C12orf42: variants seen among roughly 807,000 people sequenced by gnomAD.
C12orf42 encodes chromosome 12 open reading frame 42.
A neutral mutation model predicts 21.6 loss-of-function variants in C12orf42; 25 were observed. The ratio of observed to expected loss-of-function variants is 1.16; its 90% CI spans 0.84 to 1.62. The LOEUF (loss-of-function observed/expected upper bound fraction) is 1.62. C12orf42 is among the 40% of genes most tolerant of loss of function. C12orf42 has a pLI of 0.00. For missense variants in C12orf42, 483 were observed against 459.3 expected, an observed-to-expected ratio of 1.05 and a Z score of -0.47; for synonymous variants, 174 against 175.0, an observed-to-expected ratio of 0.99 and a Z score of 0.05.
At chr12:103,062,192 CATT>C in the C12orf42 span, among the ~76,000 whole-genome samples, 2 of 150,988 alleles carry the variant, frequency 1.3e-5, no homozygotes. Context: ...TTTATAAAGT[CATT>C]ATTTATTTAT....
At chr12:103,474,947 CAA>C (rs1235628744) in intron 2 of C12orf42, among the ~76,000 whole-genome samples, 1 of 152,094 alleles carries the variant, frequency 6.6e-6, no homozygotes, top group Non-Finnish European at 1.5e-5. Context: ...ATAAATTTTC[CAA>C]AGTTAGGCTT....
chr12:103,285,690 G>A (rs2036402294), intron 4 of C12orf42, among the ~76,000 whole-genome samples: 1 of 152,230 alleles, frequency 6.6e-6, no homozygotes, highest in Non-Finnish European at 1.5e-5. Flanking sequence ...TGGATGTATA[G>A]TCTGATGCCA....
chr12:103,467,184 G>T (rs956081721), intron 2 of C12orf42, among the ~76,000 whole-genome samples: 4 of 152,190 alleles, frequency 2.6e-5, no homozygotes, highest in African/African-American at 9.7e-5. Flanking sequence ...TATCACTGAT[G>T]AGATCCCATG....
At chr12:103,072,139 A>G in the C12orf42 span, among the ~76,000 whole-genome samples, 1 of 152,166 alleles carries the variant, frequency 6.6e-6, no homozygotes, top group African/African-American at 2.4e-5. Flanking sequence ...CTTTTGTGCT[A>G]CTTAAGCATC....
intron 4 of C12orf42, among the ~76,000 whole-genome samples, chr12:103,289,372 C>A (rs2036657162): frequency 6.6e-6 from 1 of 151,936 alleles, no homozygotes; most frequent in African/African-American, 2.4e-5. Context: ...GCATACCAGA[C>A]AAAATACTTA....
At chr12:103,408,854 CT>C (rs2048616035) in intron 2 of C12orf42, among the ~76,000 whole-genome samples, 1 of 152,172 alleles carries the variant, frequency 6.6e-6, no homozygotes. Flanking sequence ...TTCCCTTCCT[CT>C]GGTACCTAAA....
intron 4 of C12orf42, among the ~76,000 whole-genome samples, chr12:103,351,559 A>G (rs995072678): frequency 6.6e-6 from 1 of 152,126 alleles, no homozygotes; most frequent in African/African-American, 2.4e-5. Context: ...TACTATTTTG[A>G]ATAGAAACTG....
chr12:103,115,573 A>G, the C12orf42 span, among the ~76,000 whole-genome samples: 9 of 152,232 alleles, frequency 5.9e-5, no homozygotes, highest in Admixed American at 5.9e-4. Context: ...TAAAAGCAGA[A>G]TCTCGTTACC....
chr12:103,218,496 C>T, the C12orf42 span, among the ~76,000 whole-genome samples: 1 of 152,112 alleles, frequency 6.6e-6, no homozygotes, highest in East Asian at 1.9e-4. Context: ...TGAATTGGTG[C>T]CACTAAATAC....
chr12:103,165,970 G>A, the C12orf42 span, among the ~76,000 whole-genome samples: 24 of 152,194 alleles, frequency 1.6e-4, no homozygotes, highest in African/African-American at 5.5e-4. Flanking sequence ...AACCCGGGAG[G>A]GGGAGGTTGG....
chr12:103,560,030 T>C, the C12orf42 span, among the ~76,000 whole-genome samples: 1 of 152,238 alleles, frequency 6.6e-6, no homozygotes, highest in African/African-American at 2.4e-5. Flanking sequence ...GATAATTTCC[T>C]GAATATATTG....
intron 2 of C12orf42, among the ~76,000 whole-genome samples, chr12:103,441,862 C>T (rs1343866462): frequency 2.6e-5 from 4 of 152,146 alleles, no homozygotes; most frequent in African/African-American, 9.7e-5. Flanking sequence ...AAAAATCTAG[C>T]CCCAGCATGG....
At chr12:103,435,535 C>T (rs879301478) in intron 2 of C12orf42, among the ~76,000 whole-genome samples, 3 of 152,052 alleles carry the variant, frequency 2.0e-5, no homozygotes, top group Non-Finnish European at 4.4e-5. Context: ...ACTAGAATAA[C>T]CAATACAGAG....
At chr12:103,427,930 A>G (rs1227587378) in intron 2 of C12orf42, among the ~76,000 whole-genome samples, 1 of 152,228 alleles carries the variant, frequency 6.6e-6, no homozygotes, top group Non-Finnish European at 1.5e-5. Context: ...AGTCAGTGAG[A>G]ACAAAGACAT....
At chr12:103,126,527 A>G in the C12orf42 span, among the ~76,000 whole-genome samples, 1 of 152,180 alleles carries the variant, frequency 6.6e-6, no homozygotes, top group South Asian at 2.1e-4. Flanking sequence ...GATGCCCACC[A>G]TGAGAGCTGT....
At chr12:103,324,828 T>C (rs1164198558) in intron 4 of C12orf42, among the ~76,000 whole-genome samples, 1 of 152,222 alleles carries the variant, frequency 6.6e-6, no homozygotes, top group Non-Finnish European at 1.5e-5. Flanking sequence ...TCCATGGGGC[T>C]GCAGAGCTCC....
At chr12:103,481,134 C>G (rs1462628978) in intron 1 of C12orf42, among the ~76,000 whole-genome samples, 3 of 151,604 alleles carry the variant, frequency 2.0e-5, no homozygotes, top group African/African-American at 7.3e-5. Flanking sequence ...TTATCTCTAC[C>G]AATTTTTTTC....
chr12:103,479,986 C>T (rs1200223373), intron 1 of C12orf42, among the ~76,000 whole-genome samples: 1 of 151,878 alleles, frequency 6.6e-6, no homozygotes, highest in Non-Finnish European at 1.5e-5. Flanking sequence ...CTTTTTCTAA[C>T]CACTGATAGT....
chr12:103,513,725 A>C, the C12orf42 span, among the ~76,000 whole-genome samples: 1 of 152,220 alleles, frequency 6.6e-6, no homozygotes, highest in South Asian at 2.1e-4. Context: ...AAAGCATTCA[A>C]TCCTTCAACA....
Sources: allele counts gnomAD v4.1 joint callset (sites outside exome capture counted in the v4.1 genomes callset), GRCh38; gene constraint gnomAD v4.1.1; transcripts MANE v1.5; gene names NCBI Gene and HGNC (gene_info 2026-07-23, HGNC 2026-07-21).